The following MGMT variants were observed in gnomAD, a reference collection of about 807,000 sequenced individuals.
MGMT encodes O-6-methylguanine-DNA methyltransferase.
A neutral mutation model predicts 15.9 loss-of-function variants in MGMT; 14 were observed. The observed-to-expected ratio is 0.88, with a 90% CI of 0.58 to 1.37. MGMT has a LOEUF of 1.37. Among genes scored for constraint, MGMT ranks in the 40% most tolerant of loss-of-function variants. The pLI, the probability that MGMT is intolerant of heterozygous loss-of-function variation, is 0.00. For synonymous variants in MGMT, 130 were observed against 118.2 expected, an observed-to-expected ratio of 1.10 and a Z score of -0.65; for missense variants, 282 against 268.1, an observed-to-expected ratio of 1.05 and a Z score of -0.36.
chr10:129,612,525 G>A (rs1846973167), intron 2 of MGMT, among the ~76,000 whole-genome samples: 1 of 151,646 alleles, frequency 6.6e-6, no homozygotes, highest in Non-Finnish European at 1.5e-5. Context: ...GGGAATGTTA[G>A]TTGTTGCACG....
In MGMT at chr10:129,499,877, C is replaced by T. The variant is rs1291071904; in HGVS notation, c.-13+32581C>T. Among the ~76,000 whole-genome samples the T allele has an allele frequency of 7.2e-5, 11 of 152,310 alleles. No individual in the cohort carries two copies. In the East Asian group the frequency reaches 2.1e-3, roughly 29 times the overall value. On this transcript the variant is annotated intron_variant, in intron 1 of 4. Coordinates refer to ENST00000651593, the MANE Select transcript of MGMT (RefSeq NM_002412.5). ...GACTGTGAAGTAGCTGACGGAAATACATCCTTATGTCAGTTTTCACCCGAT... is the reference window on the plus strand; with the variant it reads ...GACTGTGAAGTAGCTGACGGAAATATATCCTTATGTCAGTTTTCACCCGAT...
chr10:129,585,242 T>C (rs1846605153), intron 2 of MGMT, among the ~76,000 whole-genome samples: 2 of 152,218 alleles, frequency 1.3e-5, no homozygotes, highest in African/African-American at 4.8e-5. Flanking sequence ...GGGTTTTTAT[T>C]CACAATAGGG....
intron 1 of MGMT, among the ~76,000 whole-genome samples, chr10:129,476,754 AG>A (rs1310105146): frequency 6.6e-6 from 1 of 152,018 alleles, no homozygotes; most frequent in Non-Finnish European, 1.5e-5. Flanking sequence ...TCCTGCTACA[AG>A]GGGCCGGGGA....
At chr10:129,606,447 C>T (rs919856190) in intron 2 of MGMT, among the ~76,000 whole-genome samples, 4 of 152,210 alleles carry the variant, frequency 2.6e-5, no homozygotes, top group Admixed American at 6.5e-5. Flanking sequence ...GGGAGCAAAG[C>T]GTGCAGCGGG....
intron 1 of MGMT, among the ~76,000 whole-genome samples, chr10:129,515,801 T>C (rs550567687): frequency 2.0e-5 from 3 of 152,300 alleles, no homozygotes; most frequent in East Asian, 1.9e-4. Flanking sequence ...TAATTACCCA[T>C]GTTGATGACA....
intron 2 of MGMT, among the ~76,000 whole-genome samples, chr10:129,595,544 G>C (rs891741239): frequency 1.3e-5 from 2 of 152,058 alleles, no homozygotes; most frequent in South Asian, 2.1e-4. Flanking sequence ...GTGGTCTTCG[G>C]GGGGGTCTGA....
intron 2 of MGMT, among the ~76,000 whole-genome samples, chr10:129,650,350 G>A (rs913285230): frequency 6.6e-6 from 1 of 152,144 alleles, no homozygotes; most frequent in Non-Finnish European, 1.5e-5. Context: ...ATTCATCTTC[G>A]CCAAGCTAGA....
intron 3 of MGMT, among the ~76,000 whole-genome samples, chr10:129,757,706 T>C (rs1848823131): frequency 6.6e-6 from 1 of 152,250 alleles, no homozygotes; most frequent in Admixed American, 6.5e-5. Context: ...CAAAACGTTT[T>C]CTGAAGAAAT....
intron 2 of MGMT, among the ~76,000 whole-genome samples, chr10:129,662,485 AAC>A (rs925208668): frequency 2.0e-5 from 3 of 152,162 alleles, no homozygotes; most frequent in African/African-American, 7.2e-5. Flanking sequence ...CTAGAATAAA[AAC>A]ACTTTACAAA....
intron 2 of MGMT, among the ~76,000 whole-genome samples, chr10:129,615,643 G>A (rs1248261565): frequency 1.3e-5 from 2 of 152,130 alleles, no homozygotes; most frequent in Admixed American, 6.5e-5. Flanking sequence ...AATTTTTAAG[G>A]TTTTGGTTGG....
rs529720444 is a variant in MGMT at position 129,471,458 on chromosome 10, G to A, written c.-13+4162G>A. Among the ~76,000 whole-genome samples, 5 of 152,164 alleles carry A rather than the reference G, an allele frequency of 3.3e-5. No individual in the cohort carries two copies. The South Asian group carries it at 6.2e-4, about 19-fold the overall frequency. ...TGTACTTCCCAGTCAAGAGGACTCC[G>A]GTGGGCAGCCGGGGATATCATGTTC... On this transcript the variant is annotated intron_variant, in intron 1 of 4. Coordinates refer to ENST00000651593, the MANE Select transcript of MGMT (RefSeq NM_002412.5).
At chr10:129,542,228 C>T (rs978160009) in intron 2 of MGMT, among the ~76,000 whole-genome samples, 11 of 152,164 alleles carry the variant, frequency 7.2e-5, no homozygotes, top group African/African-American at 2.4e-4. Context: ...TCAGTCGACC[C>T]TCAGCCGTGC....
intron 2 of MGMT, among the ~76,000 whole-genome samples, chr10:129,564,641 GCTTCCTCACCCTCCTCTC>G (rs1263278250): frequency 0.034 from 761 of 22,364 alleles, 7 homozygotes; most frequent in South Asian, 0.06. Context: ...CCCCTCCTCT[GCTTCCTCACCCTCCTCTC>G]CTTCCTCCCC....
chr10:129,767,165 G>A lies in MGMT; in HGVS notation c.*168G>A. Reference sequence around the variant, plus strand: ...AGCAGGATGAGTTCAGACGCCCGCGGTCCTGCACACATTTGTTTCCTTCTC... The same window carrying A: ...AGCAGGATGAGTTCAGACGCCCGCGATCCTGCACACATTTGTTTCCTTCTC... On this transcript the variant is annotated 3_prime_UTR_variant, in exon 5 of 5. Transcript: ENST00000651593. 1 of 582,102 alleles carries A rather than the reference G, an allele frequency of 1.7e-6. No homozygotes were observed. The highest frequency in any genetic ancestry group is 3.0e-6 in the Non-Finnish European group (1 of 338,576). The allele number at this position is 582,102 out of a possible 1,614,324, so 36.1% of individuals were successfully genotyped here. A position where few individuals can be genotyped will look rare whatever the true frequency, so the allele number is the denominator to read the frequency against.
rs138481029 is a variant in MGMT at position 129,642,880 on chromosome 10, C to T, written c.126-65015C>T. On this transcript the variant is annotated intron_variant, in intron 2 of 4. Coordinates refer to ENST00000651593, the MANE Select transcript of MGMT (RefSeq NM_002412.5). ...CCCGAAGTTCAAGACTGCAGTGAGC[C>T]GCGATCCCACCAAGGCATTCCAGCC... is the stretch of plus-strand genomic sequence containing the variant. 5.6e-3 allele frequency among the ~76,000 whole-genome samples: 843 copies of T among 151,656 alleles called. 8 individuals are homozygous for T. The highest frequency in any genetic ancestry group is 0.019 in the African/African-American group (801 of 41,298).
At chr10:129,641,094 G>C (rs1847323590) in intron 2 of MGMT, among the ~76,000 whole-genome samples, 1 of 152,140 alleles carries the variant, frequency 6.6e-6, no homozygotes, top group Non-Finnish European at 1.5e-5. Flanking sequence ...ATTTATAGAA[G>C]GCATGATTGT....
intron 2 of MGMT, chr10:129,700,032 T>C (rs1848078989): frequency 6.6e-6 from 1 of 152,210 alleles, no homozygotes; most frequent in Non-Finnish European, 1.5e-5. Flanking sequence ...TGTGCGTGTT[T>C]ATTCACTTCT....
intron 3 of MGMT, among the ~76,000 whole-genome samples, chr10:129,748,336 G>A (rs1161417625): frequency 6.6e-6 from 1 of 152,110 alleles, no homozygotes; most frequent in African/African-American, 2.4e-5. Flanking sequence ...GGCCATTTGG[G>A]AGATTGTGCA....
At chr10:129,496,642 C>T (rs1004649192) in intron 1 of MGMT, among the ~76,000 whole-genome samples, 6 of 152,046 alleles carry the variant, frequency 3.9e-5, no homozygotes, top group African/African-American at 1.4e-4. Context: ...TCAGCTTGTG[C>T]AGCCGTGGAA....
Sources: allele counts gnomAD v4.1 joint callset (sites outside exome capture counted in the v4.1 genomes callset), GRCh38; gene constraint gnomAD v4.1.1; transcripts MANE v1.5; gene names NCBI Gene and HGNC (gene_info 2026-07-23, HGNC 2026-07-21).